FOXP1: variants seen among roughly 807,000 people sequenced by gnomAD.
FOXP1 encodes the protein forkhead box protein P1.
Under a neutral mutation model 98.2 loss-of-function variants are expected in FOXP1, and 15 were observed. The observed-to-expected ratio is 0.15, with a 90% CI of 0.10 to 0.24. The LOEUF is 0.24. Among genes scored for constraint, FOXP1 ranks in the 10% least tolerant of loss-of-function variants. The pLI, the probability that FOXP1 is intolerant of heterozygous loss-of-function variation, is 1.00. For missense variants in FOXP1, 633 were observed against 848.5 expected (o/e 0.75, Z 3.15); for synonymous variants, 371 against 314.5 (o/e 1.18, Z -1.90).
intron 5 of FOXP1, among the ~76,000 whole-genome samples, chr3:71,203,207 T>C (rs929164209): frequency 3.9e-5 from 6 of 152,200 alleles, no homozygotes; most frequent in Non-Finnish European, 7.3e-5. Flanking sequence ...ATCCATTTAA[T>C]ATAACCCTAC....
At chr3:71,414,229 T>A (rs1452028260) in intron 3 of FOXP1, among the ~76,000 whole-genome samples, 6 of 152,226 alleles carry the variant, frequency 3.9e-5, no homozygotes, top group Non-Finnish European at 8.8e-5. Flanking sequence ...GTGATGGGGA[T>A]TTCCTGTTTC....
intron 5 of FOXP1, among the ~76,000 whole-genome samples, chr3:71,272,165 T>A (rs2070428852): frequency 6.6e-6 from 1 of 152,190 alleles, no homozygotes; most frequent in Admixed American, 6.5e-5. Context: ...CAGTATTATA[T>A]CTGTCAACAT....
intron 2 of FOXP1, among the ~76,000 whole-genome samples, chr3:71,525,234 T>G (rs1454263844): frequency 2.0e-5 from 3 of 152,074 alleles, no homozygotes; most frequent in Admixed American, 2.0e-4. Flanking sequence ...AAAACTAGGG[T>G]GGATAAAAAA....
intron 5 of FOXP1, among the ~76,000 whole-genome samples, chr3:71,272,851 C>A (rs538997006): frequency 1.3e-5 from 2 of 152,076 alleles, no homozygotes; most frequent in Non-Finnish European, 2.9e-5. Context: ...CATCTCTTCC[C>A]GAACTGCTAG....
chr3:71,040,091 G>T (rs1340825046), intron 11 of FOXP1, among the ~76,000 whole-genome samples: 1 of 151,642 alleles, frequency 6.6e-6, no homozygotes, highest in Non-Finnish European at 1.5e-5. Context: ...GTGTGTGTGT[G>T]TGTGTGTGTG....
chr3:71,086,019 C>T (rs1302779132), intron 7 of FOXP1, among the ~76,000 whole-genome samples: 1 of 152,040 alleles, frequency 6.6e-6, no homozygotes, highest in Non-Finnish European at 1.5e-5. Context: ...TGAGCCACCG[C>T]ACATTTACGG....
At chr3:71,273,645 C>T (rs1244905171) in intron 5 of FOXP1, among the ~76,000 whole-genome samples, 1 of 152,170 alleles carries the variant, frequency 6.6e-6, no homozygotes, top group Non-Finnish European at 1.5e-5. Flanking sequence ...CAACCCTTTG[C>T]TAATGGGGGG....
chr3:71,098,508 T>A (rs1478198958), intron 7 of FOXP1, among the ~76,000 whole-genome samples: 3 of 152,194 alleles, frequency 2.0e-5, no homozygotes, highest in African/African-American at 7.2e-5. Flanking sequence ...GGATTTTTTT[T>A]AATGCTGTTT....
At chr3:71,147,720 A>C (rs1240656995) in intron 6 of FOXP1, among the ~76,000 whole-genome samples, 3 of 152,214 alleles carry the variant, frequency 2.0e-5, no homozygotes, top group African/African-American at 7.2e-5. Context: ...TGGTTATATC[A>C]ACAACCAAAT....
At chr3:71,533,258 T>G (rs1288707625) in intron 2 of FOXP1, among the ~76,000 whole-genome samples, 2 of 152,100 alleles carry the variant, frequency 1.3e-5, no homozygotes, top group Non-Finnish European at 2.9e-5. Flanking sequence ...TATGAGAGGA[T>G]TTTCTTCCAC....
In FOXP1 at chr3:70,957,705, A is replaced by AC. The variant is rs570372825; in HGVS notation, c.*1541dup. 343 of 233,038 alleles carry AC rather than the reference A, an allele frequency of 1.5e-3. 3 individuals carry two copies. The highest frequency in any genetic ancestry group is 0.01 in the Middle Eastern group (8 of 786). 14.4% of individuals were successfully genotyped at this position (233,038 alleles called of 1,614,324 possible). On this transcript the variant is annotated 3_prime_UTR_variant, in exon 21 of 21. Transcript: ENST00000649528. ...CACATTTCTGCATACCATGTTTGGGACCCCCCCAAAGCCCAGGGCCTACAT... is the reference window on the plus strand; with the variant it reads ...CACATTTCTGCATACCATGTTTGGGACCCCCCCCAAAGCCCAGGGCCTACAT...
chr3:71,499,783 T>C (rs1042814437), intron 2 of FOXP1, among the ~76,000 whole-genome samples: 2 of 152,212 alleles, frequency 1.3e-5, no homozygotes, highest in Non-Finnish European at 2.9e-5. Flanking sequence ...CACCAACTCC[T>C]GTGAATAACT....
At chr3:71,143,618 G>C (rs1290751486) in intron 6 of FOXP1, among the ~76,000 whole-genome samples, 10 of 152,174 alleles carry the variant, frequency 6.6e-5, no homozygotes, top group Admixed American at 1.3e-4. Context: ...ATTAGGCTGG[G>C]CACAGTGGCT....
chr3:71,294,786 C>A (rs532688661), intron 5 of FOXP1, among the ~76,000 whole-genome samples: 1 of 152,244 alleles, frequency 6.6e-6, no homozygotes, highest in Admixed American at 6.5e-5. Flanking sequence ...GGCCTTATGA[C>A]CACAATCTTA....
intron 3 of FOXP1, among the ~76,000 whole-genome samples, chr3:71,366,188 G>A (rs2078919586): frequency 6.6e-6 from 1 of 152,016 alleles, no homozygotes; most frequent in African/African-American, 2.4e-5. Context: ...CATACAGAGA[G>A]ATATCTTTTT....
chr3:70,966,121 A>G, intron 19 of FOXP1, 65 bp from the exon 20 acceptor site: 1 of 1,295,032 alleles, frequency 7.7e-7, no homozygotes, highest in Non-Finnish European at 1.1e-6. Flanking sequence ...ACTACTAATT[A>G]TGGGTGTACT....
chr3:71,419,751 A>G (rs888090982), intron 3 of FOXP1, among the ~76,000 whole-genome samples: 6 of 152,186 alleles, frequency 3.9e-5, no homozygotes, highest in Non-Finnish European at 8.8e-5. Flanking sequence ...GCATATACAC[A>G]TACATGTACA....
At chr3:71,101,291 G>T (rs1027405020) in intron 7 of FOXP1, among the ~76,000 whole-genome samples, 1 of 152,148 alleles carries the variant, frequency 6.6e-6, no homozygotes, top group Admixed American at 6.5e-5. Flanking sequence ...GAGAACCACA[G>T]GTAGGCACTT....
intron 3 of FOXP1, among the ~76,000 whole-genome samples, chr3:71,415,310 T>C (rs2083123213): frequency 7.0e-6 from 1 of 142,288 alleles, no homozygotes; most frequent in Non-Finnish European, 1.6e-5. Flanking sequence ...TTAATCCAGC[T>C]AATATCTTTC....
Sources: allele counts gnomAD v4.1 joint callset (sites outside exome capture counted in the v4.1 genomes callset), GRCh38; gene constraint gnomAD v4.1.1; transcripts MANE v1.5; gene names NCBI Gene and HGNC (gene_info 2026-07-23, HGNC 2026-07-21).